The following PTPRN2 variants were observed in gnomAD, a reference collection of about 807,000 sequenced individuals.
PTPRN2 encodes receptor-type tyrosine-protein phosphatase N2.
A neutral mutation model predicts 118.8 loss-of-function variants in PTPRN2; 74 were observed. The ratio of observed to expected loss-of-function variants is 0.62; its 90% CI spans 0.52 to 0.76. The LOEUF (loss-of-function observed/expected upper bound fraction) is 0.76. Among genes scored for constraint, PTPRN2 ranks in the 30% least tolerant of loss-of-function variants. The probability of loss-of-function intolerance (pLI) is 0.00; values close to 1 mark genes in which losing one functional copy is unlikely to be tolerated. For synonymous variants in PTPRN2, 641 were observed against 608.0 expected (o/e 1.05, Z -0.80); for missense variants, 1,481 against 1,394.4 (o/e 1.06, Z -0.99).
rs1213588327 is a variant in PTPRN2 at position 157,627,114 on chromosome 7, G to A, written c.2197-5605C>T. Among the ~76,000 whole-genome samples, 1 of 152,214 alleles carries A rather than the reference G, an allele frequency of 6.6e-6. No individual in the cohort carries two copies. The highest frequency in any genetic ancestry group is 2.4e-5 in the African/African-American group (1 of 41,448). On this transcript the variant is annotated intron_variant, in intron 14 of 22. Transcript: ENST00000389418. This position sits in a 1 kb window ranked among gnomAD's most constrained non-coding sequence, Gnocchi z 4.2. ...ATTCTCCACAGTCCAGGTCCCAGGT[G>A]GGGTGCTCCATCTCCCCTGGAGCCT... is the stretch of plus-strand genomic sequence containing the variant.
intron 12 of PTPRN2, among the ~76,000 whole-genome samples, chr7:157,880,381 A>C (rs1796042088): frequency 6.6e-6 from 1 of 152,270 alleles, no homozygotes; most frequent in Non-Finnish European, 1.5e-5. Flanking sequence ...CAACACTGCC[A>C]AAGAAGTAAA....
intron 14 of PTPRN2, among the ~76,000 whole-genome samples, chr7:157,631,559 G>C (rs1036186344): frequency 6.6e-6 from 1 of 151,002 alleles, no homozygotes. Context: ...TTAGCCAGGC[G>C]TGGTGGCGGG....
At chr7:157,745,659 C>T (rs533350012) in intron 12 of PTPRN2, among the ~76,000 whole-genome samples, 31 of 152,274 alleles carry the variant, frequency 2.0e-4, no homozygotes, top group Middle Eastern at 3.4e-3. Context: ...GGCTGGAGGC[C>T]GCTGCTTTGC....
chr7:158,152,273 T>C (rs942051525), intron 6 of PTPRN2, among the ~76,000 whole-genome samples: 1 of 151,466 alleles, frequency 6.6e-6, no homozygotes, highest in Non-Finnish European at 1.5e-5. Flanking sequence ...GCTGGAGCAC[T>C]GCTCTTTCAT....
chr7:158,441,483 GGTGATGGTGATA>G (rs1276679014), intron 2 of PTPRN2, among the ~76,000 whole-genome samples: 2 of 144,624 alleles, frequency 1.4e-5, no homozygotes, highest in Admixed American at 1.3e-4. Context: ...TGGCAGTGGT[GGTGATGGTGATA>G]GTGATGGTGA....
At chr7:157,668,988 C>T (rs140221235) in intron 13 of PTPRN2, among the ~76,000 whole-genome samples, 1,538 of 152,362 alleles carry the variant, frequency 0.01, 55 homozygotes, top group Admixed American at 0.071. Context: ...GAAGGAACCG[C>T]CTCACATGCT....
At chr7:157,804,701 G>C (rs1190883980) in intron 12 of PTPRN2, among the ~76,000 whole-genome samples, 3 of 152,104 alleles carry the variant, frequency 2.0e-5, no homozygotes, top group African/African-American at 7.2e-5. Flanking sequence ...GCCCTACTGG[G>C]TGACCAGTAG....
In PTPRN2 at chr7:158,407,310, T is replaced by C. The variant is rs867652100; in HGVS notation, c.163+82425A>G. 6.1e-3 allele frequency among the ~76,000 whole-genome samples: 484 copies of C among 78,980 alleles called. 27 individuals are homozygous for C. The highest frequency in any genetic ancestry group is 0.02 in the East Asian group (31 of 1,570). 51.8% of individuals were successfully genotyped at this position (78,980 alleles called of 152,430 possible). ...GTCCTGGGTCCTGCGTCCTGGGTCC[T>C]GGGTCCTGGGTCCTGCGTCCTGGGT... On this transcript the variant is annotated intron_variant, in intron 2 of 22. Transcript: ENST00000389418.
At position 157,990,668 on chromosome 7, in the gene PTPRN2, A is replaced by G. The variant is rs1239723315; in HGVS notation, c.1723+90630T>C. Among the ~76,000 whole-genome samples, 1 of 152,156 alleles carries G rather than the reference A, an allele frequency of 6.6e-6. No individual in the cohort carries two copies. The highest frequency in any genetic ancestry group is 1.5e-5 in the Non-Finnish European group (1 of 68,028). The stretch of plus-strand genomic sequence containing the variant: ...GACATGCTGGTCCCCTTCCCAGTGA[A>G]GTCCCAGGAAACAGCCTCTCATGTT... On this transcript the variant is annotated intron_variant, in intron 11 of 22. Transcript: ENST00000389418. This position sits in a 1 kb window ranked among gnomAD's most constrained non-coding sequence, Gnocchi z 4.3.
chr7:157,679,081 G>A (rs1796799130), intron 13 of PTPRN2, among the ~76,000 whole-genome samples: 3 of 152,078 alleles, frequency 2.0e-5, no homozygotes, highest in Admixed American at 1.3e-4. Context: ...TAGTGTGTGT[G>A]TGTGTACATG....
intron 3 of PTPRN2, among the ~76,000 whole-genome samples, chr7:158,314,553 A>G (rs1802131332): frequency 6.6e-6 from 1 of 152,270 alleles, no homozygotes; most frequent in Admixed American, 6.5e-5. Flanking sequence ...AGTGGCACAT[A>G]TGGAGCAGGA....
chr7:158,459,065 G>A (rs1818754103), intron 2 of PTPRN2, among the ~76,000 whole-genome samples: 1 of 152,194 alleles, frequency 6.6e-6, no homozygotes, highest in African/African-American at 2.4e-5. Context: ...CCGGAGCCTT[G>A]GTGTGGCTGC....
rs190886759 is a variant in PTPRN2, at chr7:158,430,511, C to T, written c.163+59224G>A. ...TTGCGGGGCCTCGCACGGCTCAGCG[C>T]GGCACCCCCTCCCTGTGGATTCCCG... On this transcript the variant is annotated intron_variant, in intron 2 of 22. Transcript: ENST00000389418. Among the ~76,000 whole-genome samples the T allele has an allele frequency of 2.2e-4, 33 of 152,366 alleles. 2 individuals carry two copies. In the East Asian group the frequency reaches 2.7e-3, roughly 12 times the overall value.
chr7:157,877,198 G>A lies in PTPRN2; in HGVS notation c.1788+21475C>T, dbSNP rs181489688. On this transcript the variant is annotated intron_variant, in intron 12 of 22. Coordinates refer to ENST00000389418, the MANE Select transcript of PTPRN2 (RefSeq NM_002847.5). ...GCACCAGGGTTTCCTCGGGGACCCC[G>A]GGTCCGAGTGCAGCACCAGGGTTTT... Among the ~76,000 whole-genome samples the A allele has an allele frequency of 3.2e-3, 465 of 147,442 alleles. 1 individual carries two copies. Among genetic ancestry groups the A allele is most frequent in the Middle Eastern group, 0.019 (5 of 270 alleles).
At chr7:158,337,618 G>GCT (rs1563168195) in intron 2 of PTPRN2, among the ~76,000 whole-genome samples, 23 of 113,422 alleles carry the variant, frequency 2.0e-4, no homozygotes, top group South Asian at 3.1e-4. Context: ...CACCATAAGA[G>GCT]GAGACACCTG....
chr7:158,322,471 A>T (rs912914672), intron 2 of PTPRN2, among the ~76,000 whole-genome samples: 1 of 152,126 alleles, frequency 6.6e-6, no homozygotes, highest in African/African-American at 2.4e-5. Context: ...GCATGGCAGC[A>T]TCCAGCCCCG....
intron 15 of PTPRN2, among the ~76,000 whole-genome samples, chr7:157,612,903 G>A (rs898665628): frequency 6.6e-6 from 1 of 152,154 alleles, no homozygotes; most frequent in Non-Finnish European, 1.5e-5. Flanking sequence ...CCAGGGCAGG[G>A]CCCCCCACAC....
chr7:158,046,645 G>A (rs1282776283), intron 11 of PTPRN2, among the ~76,000 whole-genome samples: 2 of 152,202 alleles, frequency 1.3e-5, no homozygotes, highest in African/African-American at 2.4e-5. Flanking sequence ...AAAGGATGTC[G>A]AGACTTTAAA....
chr7:158,188,765 C>CGCCGCCTTGT (rs1563578288), intron 5 of PTPRN2, among the ~76,000 whole-genome samples: 8 of 151,306 alleles, frequency 5.3e-5, no homozygotes, highest in African/African-American at 1.9e-4. Flanking sequence ...CCGCCACGCT[C>CGCCGCCTTGT]ACCCGCTGTA....
Sources: allele counts gnomAD v4.1 joint callset (sites outside exome capture counted in the v4.1 genomes callset), GRCh38; gene constraint gnomAD v4.1.1; non-coding constraint Gnocchi (gnomAD v3.1); transcripts MANE v1.5; gene names NCBI Gene and HGNC (gene_info 2026-07-23, HGNC 2026-07-21).